The following MCTP1 variants were observed in gnomAD, a reference collection of about 807,000 sequenced individuals.
The protein encoded by MCTP1 is multiple C2 and transmembrane domain containing 1.
In MCTP1, 69 loss-of-function variants were observed where a neutral mutation model predicts 120.6. That is an observed-to-expected ratio of 0.57 (90% CI 0.47 to 0.70). MCTP1 has a LOEUF of 0.70. Ranked by LOEUF, MCTP1 falls within the 30% of genes least tolerant of loss-of-function variation. The pLI is 0.00. For missense variants in MCTP1, 1,203 were observed against 1,248.8 expected (o/e 0.96, Z 0.55); for synonymous variants, 529 against 493.1 (o/e 1.07, Z -0.96).
In MCTP1 at chr5:94,782,809, T is replaced by A. The variant is rs115435503; in HGVS notation, c.2557-3646A>T. Among the ~76,000 whole-genome samples, 1,346 of 152,222 alleles carry A rather than the reference T, an allele frequency of 8.8e-3. 9 individuals carry two copies. Among genetic ancestry groups the A allele is most frequent in the Middle Eastern group, 0.034 (10 of 294 alleles). On this transcript the variant is annotated intron_variant, in intron 18 of 22. Transcript: ENST00000515393. The stretch of plus-strand genomic sequence containing the variant: ...TTTAATGAACAACATACACTATACA[T>A]AGGATTTCCTTGAAGGGGAAAAAAT...
rs78275395 is a variant in MCTP1 at position 95,256,026 on chromosome 5, G to A, written c.720+27830C>T. Reference sequence around the variant, plus strand: ...TAAAGGGCTAAATATCATACTTCATGAAACCGTTGGTAAAAATCCACACCA... The same window carrying A: ...TAAAGGGCTAAATATCATACTTCATAAAACCGTTGGTAAAAATCCACACCA... On this transcript the variant is annotated intron_variant, in intron 1 of 22. Transcript: ENST00000515393. Among the ~76,000 whole-genome samples the A allele has an allele frequency of 5.3e-3, 801 of 152,274 alleles. 8 individuals carry two copies. The highest frequency in any genetic ancestry group is 0.018 in the African/African-American group (746 of 41,538).
intron 10 of MCTP1, among the ~76,000 whole-genome samples, chr5:94,902,434 T>G (rs1357782207): frequency 2.6e-5 from 4 of 152,142 alleles, no homozygotes; most frequent in Non-Finnish European, 1.5e-5. Flanking sequence ...CTAATGAGAT[T>G]TTGAAGCCAT....
chr5:95,059,474 C>T (rs1748333148), intron 1 of MCTP1, among the ~76,000 whole-genome samples: 1 of 151,864 alleles, frequency 6.6e-6, no homozygotes. Flanking sequence ...ATGCTCACTA[C>T]CTAGGTAATG....
At chr5:95,154,864 T>C (rs1744925070) in intron 1 of MCTP1, among the ~76,000 whole-genome samples, 1 of 152,144 alleles carries the variant, frequency 6.6e-6, no homozygotes, top group African/African-American at 2.4e-5. Context: ...GTCATTTCCA[T>C]GATTTATTAA....
At chr5:94,910,189 C>CATACATATATGTATATATACATATGTGT (rs1808130503) in intron 9 of MCTP1, among the ~76,000 whole-genome samples, 6 of 144,190 alleles carry the variant, frequency 4.2e-5, no homozygotes, top group African/African-American at 7.6e-5. Context: ...TGTATGTGTG[C>CATACATATATGTATATATACATATGTGT]ATACATATAT....
chr5:95,002,805 T>C (rs1833982795), intron 2 of MCTP1, among the ~76,000 whole-genome samples: 1 of 152,150 alleles, frequency 6.6e-6, no homozygotes, highest in Non-Finnish European at 1.5e-5. Flanking sequence ...TGGGAGACTG[T>C]TGGAAGGGAA....
At chr5:95,158,907 C>T (rs969234331) in intron 1 of MCTP1, among the ~76,000 whole-genome samples, 24 of 152,084 alleles carry the variant, frequency 1.6e-4, no homozygotes, top group Admixed American at 2.6e-4. Flanking sequence ...GGTGATAGAT[C>T]CAGACCTTGT....
chr5:95,191,016 A>G (rs1749771523), intron 1 of MCTP1, among the ~76,000 whole-genome samples: 1 of 152,072 alleles, frequency 6.6e-6, no homozygotes, highest in African/African-American at 2.4e-5. Context: ...AAATAATTTT[A>G]AGCTAGTTTA....
rs71615135 is a variant in MCTP1 at position 94,777,927 on chromosome 5, CGT to C, written c.2610+1181_2610+1182del. Among the ~76,000 whole-genome samples the C allele has an allele frequency of 2.7e-3, 398 of 148,944 alleles. 5 individuals carry two copies. Among genetic ancestry groups the C allele is most frequent in the Admixed American group, 0.014 (202 of 14,940 alleles). The stretch of plus-strand genomic sequence containing the variant: ...ATAGCGTTAGAAGGGAGAAAGTGTG[CGT>C]GTGTGTGTGTGTGTGTGTGTGTGTG... On this transcript the variant is annotated intron_variant, in intron 19 of 22. Coordinates refer to ENST00000515393, the MANE Select transcript of MCTP1 (RefSeq NM_024717.7).
intron 10 of MCTP1, among the ~76,000 whole-genome samples, chr5:94,897,678 A>G (rs920433861): frequency 2.6e-5 from 4 of 152,058 alleles, no homozygotes; most frequent in Admixed American, 6.6e-5. Context: ...TTTTTCCCCC[A>G]AACTTTTATT....
chr5:94,739,281 C>G (rs1463726454), intron 19 of MCTP1: 1 of 152,182 alleles, frequency 6.6e-6, no homozygotes, highest in Non-Finnish European at 1.5e-5. Flanking sequence ...TTCACAAACA[C>G]ATTAGACAAG....
intron 3 of MCTP1, among the ~76,000 whole-genome samples, chr5:94,947,603 G>GAGAGAC (rs1554147778): frequency 0.032 from 3,339 of 104,438 alleles, 222 homozygotes; most frequent in South Asian, 0.052. Context: ...GAGAGAGAGA[G>GAGAGAC]AGAGAGAGAG....
intron 1 of MCTP1, among the ~76,000 whole-genome samples, chr5:95,167,382 T>C (rs1306285809): frequency 6.6e-6 from 1 of 152,196 alleles, no homozygotes; most frequent in Non-Finnish European, 1.5e-5. Flanking sequence ...TGTGCACATG[T>C]CTTTATAGCA....
chr5:95,239,484 A>G (rs556130005), intron 1 of MCTP1, among the ~76,000 whole-genome samples: 2 of 152,206 alleles, frequency 1.3e-5, no homozygotes, highest in Non-Finnish European at 2.9e-5. Context: ...ATATCTGATG[A>G]GTCTAGTTCT....
intron 17 of MCTP1, among the ~76,000 whole-genome samples, chr5:94,855,135 C>T (rs974392389): frequency 6.6e-6 from 1 of 151,808 alleles, no homozygotes; most frequent in African/African-American, 2.4e-5. Flanking sequence ...TAAGACTTCC[C>T]TCGGAAATAT....
chr5:94,723,739 C>A (rs1307408479), intron 19 of MCTP1, among the ~76,000 whole-genome samples: 1 of 151,942 alleles, frequency 6.6e-6, no homozygotes. Context: ...TTGCATGCAA[C>A]TTTAAAGGTG....
intron 1 of MCTP1, among the ~76,000 whole-genome samples, chr5:95,069,700 C>CTTTTT (rs35136173): frequency 7.2e-6 from 1 of 138,218 alleles, no homozygotes; most frequent in Admixed American, 7.3e-5. Flanking sequence ...CCCTTCTGCC[C>CTTTTT]TTTTTTTTTT....
At chr5:95,068,889 C>A in intron 1 of MCTP1, 1 of 974,862 alleles carries the variant, frequency 1.0e-6, no homozygotes, top group South Asian at 1.6e-5. Context: ...TATTTAATAT[C>A]AATAGTAGTT....
intron 1 of MCTP1, among the ~76,000 whole-genome samples, chr5:95,028,478 G>T (rs541645175): frequency 4.0e-4 from 61 of 152,218 alleles, no homozygotes; most frequent in Admixed American, 1.4e-3. Context: ...GTTTAAAAAA[G>T]TATGAAATTC....
Sources: allele counts gnomAD v4.1 joint callset (sites outside exome capture counted in the v4.1 genomes callset), GRCh38; gene constraint gnomAD v4.1.1; transcripts MANE v1.5; gene names NCBI Gene and HGNC (gene_info 2026-07-23, HGNC 2026-07-21).